Variants in CHODL observed in about 807,000 individuals in gnomAD.
CHODL encodes the protein chondrolectin.
Under a neutral mutation model 34.5 loss-of-function variants are expected in CHODL, and 29 were observed. The ratio of observed to expected loss-of-function variants is 0.84; its 90% CI spans 0.63 to 1.15. The LOEUF (loss-of-function observed/expected upper bound fraction) is 1.15. Among genes scored for constraint, CHODL ranks in the 50% most tolerant of loss-of-function variants. The pLI, the probability that CHODL is intolerant of heterozygous loss-of-function variation, is 0.00. For synonymous variants in CHODL, 125 were observed against 116.1 expected (o/e 1.08, Z -0.49); for missense variants, 332 against 332.5 (o/e 1.00, Z 0.01).
chr21:18,156,741 G>A (rs1386547043), intron 2 of CHODL, among the ~76,000 whole-genome samples: 1 of 152,170 alleles, frequency 6.6e-6, no homozygotes, highest in Non-Finnish European at 1.5e-5. Flanking sequence ...CATAAAAAGA[G>A]CTTTAATTGT....
intron 2 of CHODL, among the ~76,000 whole-genome samples, chr21:18,080,432 C>T (rs1256095448): frequency 6.6e-6 from 1 of 152,052 alleles, no homozygotes; most frequent in African/African-American, 2.4e-5. Context: ...GAGTTCTTCC[C>T]AGATTTTCTT....
chr21:18,227,299 A>T (rs2073939520), intron 2 of CHODL, among the ~76,000 whole-genome samples: 1 of 152,188 alleles, frequency 6.6e-6, no homozygotes, highest in Non-Finnish European at 1.5e-5. Flanking sequence ...ATTGTCTTAA[A>T]TACTATAGAA....
rs543083756 is a variant in CHODL, at chr21:17,995,228, A to G, written c.-144-32644A>G. Among the ~76,000 whole-genome samples the G allele has an allele frequency of 1.2e-4, 19 of 152,206 alleles. 1 individual carries two copies. The highest frequency in any genetic ancestry group is 9.2e-4 in the Admixed American group (14 of 15,294). On this transcript the variant is annotated intron_variant, in intron 1 of 6. Coordinates refer to the CHODL transcript ENST00000400127. ...GTGCCGTGCTGTAGCTGCTTGGGTC[A>G]TGGCACAAACTTCCTCTGGAAAAAT...
Position 18,070,534 on chromosome 21 carries a change from G to A in CHODL, c.-45+42563G>A, listed in dbSNP as rs538476107. Among the ~76,000 whole-genome samples, 8 of 152,250 alleles carry A rather than the reference G, an allele frequency of 5.3e-5. No individual in the cohort carries two copies. In the East Asian group the frequency reaches 1.5e-3, roughly 29 times the overall value. On this transcript the variant is annotated intron_variant, in intron 2 of 6. Transcript: ENST00000400127. ...ATATTTCATAATGGGCATTAAGCCT[G>A]CCTGCCTTTTGCTCAGCAGGAAGGC...
intron 2 of CHODL, among the ~76,000 whole-genome samples, chr21:18,227,489 C>G (rs1463547980): frequency 6.6e-6 from 1 of 152,066 alleles, no homozygotes; most frequent in Non-Finnish European, 1.5e-5. Context: ...TTTGCCTTGT[C>G]TATGTAATAC....
intron 2 of CHODL, among the ~76,000 whole-genome samples, chr21:18,069,082 A>G (rs2064765642): frequency 6.6e-6 from 1 of 152,196 alleles, no homozygotes; most frequent in Non-Finnish European, 1.5e-5. Context: ...TTTTATCTCA[A>G]TTTTATTAGT....
chr21:18,135,403 A>G (rs542730243), intron 2 of CHODL, among the ~76,000 whole-genome samples: 56 of 152,280 alleles, frequency 3.7e-4, no homozygotes, highest in Admixed American at 3.7e-3. Flanking sequence ...AAACTCAAAA[A>G]TACAGAATAC....
rs776986742 is a variant in CHODL, at chr21:18,266,176, A to G, written c.*138A>G. On this transcript the variant is annotated 3_prime_UTR_variant, in exon 6 of 6. Coordinates refer to ENST00000299295, the MANE Select transcript of CHODL (RefSeq NM_024944.3). Reference sequence around the variant, plus strand: ...TAAGCTCCCCCTTGAGGCAAATATTAAAGTAATTTTTATATGTCTATTATT... The same window carrying G: ...TAAGCTCCCCCTTGAGGCAAATATTGAAGTAATTTTTATATGTCTATTATT... 5 of 1,552,318 alleles carry G rather than the reference A, an allele frequency of 3.2e-6. No homozygotes were observed. Among genetic ancestry groups the G allele is most frequent in the African/African-American group, 1.4e-5 (1 of 72,964 alleles).
chr21:18,245,995 G>C, intron 1 of CHODL: 2 of 1,432,402 alleles, frequency 1.4e-6, no homozygotes, highest in Non-Finnish European at 1.9e-6. Flanking sequence ...AGTCGGTCGA[G>C]TCAGTGCATG....
chr21:18,028,466 G>T (rs918716300), intron 2 of CHODL, among the ~76,000 whole-genome samples: 3 of 151,890 alleles, frequency 2.0e-5, no homozygotes, highest in African/African-American at 7.3e-5. Context: ...GGAGGCCAAG[G>T]TGGGTAGATC....
At chr21:18,171,162 CT>C (rs35213552) in intron 2 of CHODL, among the ~76,000 whole-genome samples, 65,844 of 71,000 alleles carry the variant, frequency 0.93, 30,793 homozygotes, top group Non-Finnish European at 0.96. Context: ...TGTTCTCATA[CT>C]TTTTTTTTTT....
Position 18,260,240 on chromosome 21 carries a change from A to T in CHODL, c.588A>T (p.Thr196=), listed in dbSNP as rs774331601. The change falls in exon 4 of 6, where the codon ACA becomes ACT. Residue 196 remains threonine, a synonymous_variant. Transcript: ENST00000299295. ...PTAPVEKPYL[T]NQPGDTHQNV... is the part of the protein sequence containing the mutation. The stretch of plus-strand genomic sequence containing the variant: ...CCCCTGTAGAAAAGCCTTATCTTAC[A>T]AATCAACCAGGAGACACCCATCAGA... 1.9e-6 allele frequency: 3 copies of T among 1,582,758 alleles called. No homozygotes were observed. The highest frequency in any genetic ancestry group is 3.7e-5 in the Admixed American group (2 of 54,278).
chr21:18,134,657 C>T (rs1417808999), intron 2 of CHODL, among the ~76,000 whole-genome samples: 1 of 152,200 alleles, frequency 6.6e-6, no homozygotes, highest in Admixed American at 6.5e-5. Context: ...CCCTTTTCAG[C>T]TATCCATTTA....
At chr21:18,017,002 A>G (rs1311764318) in intron 1 of CHODL, among the ~76,000 whole-genome samples, 2 of 152,254 alleles carry the variant, frequency 1.3e-5, no homozygotes, top group Non-Finnish European at 2.9e-5. Flanking sequence ...TAATGTCTGT[A>G]TCCCCATTGT....
At chr21:18,023,334 G>A (rs1239488461) in intron 1 of CHODL, among the ~76,000 whole-genome samples, 1 of 152,106 alleles carries the variant, frequency 6.6e-6, no homozygotes, top group Non-Finnish European at 1.5e-5. Flanking sequence ...GTTGGTTGTG[G>A]TATGAGCCAG....
chr21:18,170,492 T>C (rs371203360), intron 2 of CHODL, among the ~76,000 whole-genome samples: 1 of 152,176 alleles, frequency 6.6e-6, no homozygotes, highest in African/African-American at 2.4e-5. Context: ...ACTTCTCTAT[T>C]ACTGGCTTAT....
At position 18,167,309 on chromosome 21, in the gene CHODL, A is replaced by AT. The variant is rs71318131; in HGVS notation, c.-44-89182dup. On this transcript the variant is annotated intron_variant, in intron 2 of 6. Transcript: ENST00000400127. ...TTTTACTGAAGTGTTTTCTATTAAG[A>AT]TTTTTTTTTTTTTTTTTTGAGACGG... is the stretch of plus-strand genomic sequence containing the variant. Among the ~76,000 whole-genome samples the AT allele has an allele frequency of 5.1e-3, 524 of 103,048 alleles. 16 individuals are homozygous for AT. The highest frequency in any genetic ancestry group is 0.015 in the South Asian group (47 of 3,170). 67.6% of individuals were successfully genotyped at this position (103,048 alleles called of 152,430 possible). A position where few individuals can be genotyped will look rare whatever the true frequency, so the allele number is the denominator to read the frequency against.
At chr21:17,994,008 G>A (rs1358799671) in intron 1 of CHODL, among the ~76,000 whole-genome samples, 1 of 151,298 alleles carries the variant, frequency 6.6e-6, no homozygotes, top group East Asian at 1.9e-4. Flanking sequence ...TTTTTTTCTT[G>A]GTTAGTTCAG....
chr21:18,227,430 C>T (rs1026833336), intron 2 of CHODL, among the ~76,000 whole-genome samples: 8 of 152,112 alleles, frequency 5.3e-5, no homozygotes, highest in South Asian at 2.1e-4. Flanking sequence ...GTTTAAACAC[C>T]TCGTTTAAAA....
Sources: allele counts gnomAD v4.1 joint callset (sites outside exome capture counted in the v4.1 genomes callset), GRCh38; gene constraint gnomAD v4.1.1; transcripts MANE v1.5; gene names NCBI Gene and HGNC (gene_info 2026-07-23, HGNC 2026-07-21).